ECT2: variants seen among roughly 807,000 people sequenced by gnomAD.
ECT2 encodes the protein protein ECT2.
ECT2 carries 61 observed loss-of-function variants against 116.9 expected under a neutral mutation model. The observed-to-expected ratio is 0.52, with a 90% CI of 0.42 to 0.65. The LOEUF (loss-of-function observed/expected upper bound fraction) is 0.65, where lower values mean the gene tolerates loss of function less well. Ranked by LOEUF, ECT2 falls within the 30% of genes least tolerant of loss-of-function variation. The pLI is 0.00. For missense variants in ECT2, 937 were observed against 1,078.7 expected (o/e 0.87, Z 1.84); for synonymous variants, 358 against 346.4 (o/e 1.03, Z -0.37).
intron 18 of ECT2, among the ~76,000 whole-genome samples, chr3:172,798,384 A>G (rs533659247): frequency 5.3e-5 from 8 of 152,302 alleles, no homozygotes; most frequent in African/African-American, 1.9e-4. Flanking sequence ...CCCTAAAAAC[A>G]TAATCATGAA....
chr3:172,782,140 TA>T (rs1308578019), intron 14 of ECT2, 22 bp from the exon 15 acceptor site: 1 of 1,463,384 alleles, frequency 6.8e-7, no homozygotes, highest in Non-Finnish European at 9.3e-7. Flanking sequence ...TAATTTTAAA[TA>T]TTTCAATTCG....
At chr3:172,828,242 T>G in the ECT2 span, among the ~76,000 whole-genome samples, 1 of 152,178 alleles carries the variant, frequency 6.6e-6, no homozygotes, top group African/African-American at 2.4e-5. Flanking sequence ...TTAATTGATA[T>G]GATTGTCAGG....
rs767548986 is a variant in ECT2, at chr3:172,802,628, G to A, written c.1920G>A (p.Glu640=). 1.0e-5 allele frequency: 16 copies of A among 1,586,780 alleles called. No individual in the cohort carries two copies. The highest frequency in any genetic ancestry group is 1.7e-4 in the Middle Eastern group (1 of 5,902). The part of the protein sequence containing the change: ...SLKEVMTHIN[E]DKRKTEAQKQ... ...AACTATTTTTCAGGCATATTAATGA[G>A]GATAAGAGAAAAACAGAAGCTCAAA... Residue 640 remains glutamate, a synonymous_variant, in exon 19 of 25, where the codon GAG becomes GAA. Transcript: ENST00000392692.
chr3:172,794,354 G>A (rs1725230630), intron 18 of ECT2, among the ~76,000 whole-genome samples: 1 of 152,162 alleles, frequency 6.6e-6, no homozygotes, highest in South Asian at 2.1e-4. Flanking sequence ...GTTGCAAAGA[G>A]TATCCTTTCT....
chr3:172,814,778 A>AAT (rs1729400681), intron 22 of ECT2, among the ~76,000 whole-genome samples: 3 of 152,168 alleles, frequency 2.0e-5, no homozygotes, highest in Admixed American at 2.0e-4. Context: ...TCCATCACCT[A>AAT]ATATACTCAT....
intron 2 of ECT2, 79 bp from the exon 3 acceptor site, chr3:172,755,216 A>G (rs1472789022): frequency 7.3e-6 from 8 of 1,089,510 alleles, no homozygotes; most frequent in Non-Finnish European, 2.6e-6. Flanking sequence ...CATACTAGAT[A>G]TAGCCAAAAG....
intron 18 of ECT2, among the ~76,000 whole-genome samples, chr3:172,791,911 T>C (rs879262685): frequency 5.9e-5 from 9 of 152,242 alleles, no homozygotes; most frequent in Non-Finnish European, 1.2e-4. Context: ...ACTCAATCAT[T>C]TCTAGCTTTT....
Position 172,814,466 on chromosome 3 carries a change from C to T in ECT2, c.2401-1138C>T, listed in dbSNP as rs138226024. The stretch of plus-strand genomic sequence containing the variant: ...GTCTTATAGTGCCAGCATAACAAGG[C>T]AATTTGGCTATTCATAGCCTAGATT... On this transcript the variant is annotated intron_variant, in intron 22 of 24. Transcript: ENST00000392692. 2.7e-3 allele frequency among the ~76,000 whole-genome samples: 407 copies of T among 152,102 alleles called. 2 individuals carry two copies. Among genetic ancestry groups the T allele is most frequent in the African/African-American group, 9.2e-3 (382 of 41,532 alleles).
In ECT2 at chr3:172,782,046, C is replaced by T. The variant is rs974863009; in HGVS notation, c.1549-117C>T. The T allele has an allele frequency of 6.5e-6, 3 of 460,778 alleles. No individual in the cohort carries two copies. In the Admixed American group the frequency reaches 1.2e-4, roughly 19 times the overall value. 28.5% of individuals were successfully genotyped at this position (460,778 alleles called of 1,614,324 possible). On this transcript the variant is annotated intron_variant, in intron 14 of 24. Transcript: ENST00000392692. Reference sequence around the variant, plus strand: ...AGAATGGGATGTTCATTATTTTACACATCAAATTAAGACACTTTGTAAAGT... The same window carrying T: ...AGAATGGGATGTTCATTATTTTACATATCAAATTAAGACACTTTGTAAAGT...
intron 18 of ECT2, among the ~76,000 whole-genome samples, chr3:172,799,709 T>A (rs1291223481): frequency 6.6e-6 from 1 of 152,200 alleles, no homozygotes; most frequent in Non-Finnish European, 1.5e-5. Flanking sequence ...CCCACAATGG[T>A]CTTTTGATTT....
At chr3:172,788,957 C>T (rs1056705462) in intron 18 of ECT2, among the ~76,000 whole-genome samples, 2 of 149,456 alleles carry the variant, frequency 1.3e-5, no homozygotes, top group African/African-American at 4.9e-5. Context: ...ACTTGGGAGG[C>T]TGAGGCATGA....
At chr3:172,794,591 T>A (rs953574381) in intron 18 of ECT2, among the ~76,000 whole-genome samples, 1 of 152,054 alleles carries the variant, frequency 6.6e-6, no homozygotes, top group African/African-American at 2.4e-5. Flanking sequence ...AAATTTGGCA[T>A]GTGGCTTTTA....
At chr3:172,778,660 A>G (rs1016587309) in intron 14 of ECT2, among the ~76,000 whole-genome samples, 1 of 137,330 alleles carries the variant, frequency 7.3e-6, no homozygotes, top group Non-Finnish European at 1.5e-5. Context: ...CAATTGCACA[A>G]TCTCAGCTCA....
At chr3:172,751,249 GCTT>G (rs1313896321) in intron 1 of ECT2, 4 of 152,252 alleles carry the variant, frequency 2.6e-5, no homozygotes, top group Admixed American at 2.6e-4. Context: ...ATTCATCCTG[GCTT>G]CTTTGCGGGA....
intron 13 of ECT2, among the ~76,000 whole-genome samples, chr3:172,772,086 T>C (rs1268261577): frequency 6.6e-6 from 1 of 151,816 alleles, no homozygotes; most frequent in Non-Finnish European, 1.5e-5. Flanking sequence ...CTGCAGCCTC[T>C]GCCTTCTGGG....
Position 172,762,818 on chromosome 3 carries a change from T to C in ECT2, c.1005+12T>C. On this transcript the variant is annotated intron_variant, in intron 10 of 24. Transcript: ENST00000392692. ...TTGTCAAGCAAGAGGCAAGTAATTC[T>C]AGAATGAGGTTGGTTTTTAAAAACA... The C allele has an allele frequency of 6.2e-7, 1 of 1,610,072 alleles. No individual in the cohort carries two copies.
chr3:172,785,607 A>G (rs749083358), intron 17 of ECT2, among the ~76,000 whole-genome samples: 1 of 152,092 alleles, frequency 6.6e-6, no homozygotes, highest in Non-Finnish European at 1.5e-5. Context: ...ACACTAATAT[A>G]TACAGCAGAC....
chr3:172,771,033 C>G (rs769750787), intron 13 of ECT2, among the ~76,000 whole-genome samples: 1 of 152,032 alleles, frequency 6.6e-6, no homozygotes, highest in Non-Finnish European at 1.5e-5. Context: ...AGGTAATGAT[C>G]GAAGTGAACT....
chr3:172,826,491 CT>C, the ECT2 span, among the ~76,000 whole-genome samples: 1 of 152,210 alleles, frequency 6.6e-6, no homozygotes, highest in South Asian at 2.1e-4. Context: ...GATGAAGGTG[CT>C]GTGAACACTG....
Sources: gnomAD v4.1 joint callset for allele counts (sites outside exome capture counted in the v4.1 genomes callset) on GRCh38, gnomAD v4.1.1 for gene constraint, MANE v1.5 for transcripts, NCBI Gene and HGNC (gene_info 2026-07-23, HGNC 2026-07-21) for gene names.